Variants in PRKD3 observed in about 807,000 individuals in gnomAD.
The protein encoded by PRKD3 is serine/threonine-protein kinase D3.
PRKD3 carries 47 observed loss-of-function variants against 99.2 expected under a neutral mutation model. That is an observed-to-expected ratio of 0.47 (90% CI 0.38 to 0.60). The LOEUF is 0.60. Among genes scored for constraint, PRKD3 ranks in the 20% least tolerant of loss-of-function variants. The pLI, the probability that PRKD3 is intolerant of heterozygous loss-of-function variation, is 0.00. For synonymous variants in PRKD3, 392 were observed against 355.4 expected (o/e 1.10, Z -1.16); for missense variants, 1,019 against 1,088.4 (o/e 0.94, Z 0.90).
intron 5 of PRKD3, among the ~76,000 whole-genome samples, chr2:37,287,250 A>G (rs940371694): frequency 3.4e-4 from 46 of 134,306 alleles, no homozygotes; most frequent in East Asian, 6.1e-4. Context: ...AAAAAAAAAA[A>G]AAAAAAAAAA....
At chr2:37,261,914 GTTTT>G (rs1317149630) in intron 14 of PRKD3, among the ~76,000 whole-genome samples, 3 of 151,624 alleles carry the variant, frequency 2.0e-5, no homozygotes, top group Admixed American at 6.6e-5. Flanking sequence ...CAACCATTCC[GTTTT>G]TTTGAGTATT....
intron 9 of PRKD3, 96 bp from the exon 10 acceptor site, chr2:37,275,940 T>C (rs1253263272): frequency 4.3e-6 from 6 of 1,407,384 alleles, no homozygotes; most frequent in Non-Finnish European, 4.7e-6. Flanking sequence ...CATAAATTTG[T>C]ATTTTTGAAT....
intron 2 of PRKD3, among the ~76,000 whole-genome samples, chr2:37,301,386 T>C (rs1222767127): frequency 1.3e-5 from 2 of 151,892 alleles, no homozygotes; most frequent in Non-Finnish European, 2.9e-5. Context: ...CTTTCAGTTG[T>C]ATAATTTGAA....
chr2:37,260,072 T>A, intron 15 of PRKD3, 151 bp downstream of exon 15: 1 of 689,552 alleles, frequency 1.5e-6, no homozygotes, highest in Non-Finnish European at 2.4e-6. Flanking sequence ...GGCTGAGGCA[T>A]GAGAATCACT....
rs1402728628 is a variant in PRKD3 at position 37,257,666 on chromosome 2, CAAAAGAA to C, written c.2146-744_2146-738del. Among the ~76,000 whole-genome samples, 8 of 62,424 alleles carry C rather than the reference CAAAAGAA, an allele frequency of 1.3e-4. No individual in the cohort carries two copies. The East Asian group carries it at 3.2e-3, about 25-fold the overall frequency. 41.0% of individuals were successfully genotyped at this position (62,424 alleles called of 152,430 possible). On this transcript the variant is annotated intron_variant, in intron 16 of 18. Transcript: ENST00000234179. ...GGGCGACAGAGTGAAGACTCTGTCTCAAAAGAAAAAAAAAAAAAAAAAAAAAAAGTTA... is the reference window on the plus strand; with the variant it reads ...GGGCGACAGAGTGAAGACTCTGTCTCAAAAAAAAAAAAAAAAAAAAAGTTA...
At position 37,251,488 on chromosome 2, in the gene PRKD3, G is replaced by T. The variant is rs1667488799; in HGVS notation, c.*1689C>A. 1 of 152,632 alleles carries T rather than the reference G, an allele frequency of 6.6e-6. No individual in the cohort carries two copies. The highest frequency in any genetic ancestry group is 3.4e-3 in the Middle Eastern group (1 of 294). The allele number at this position is 152,632 out of a possible 1,614,324, so 9.5% of individuals were successfully genotyped here. A position where few individuals can be genotyped will look rare whatever the true frequency, so the allele number is the denominator to read the frequency against. On this transcript the variant is annotated 3_prime_UTR_variant, in exon 19 of 19. Transcript: ENST00000234179. ...TGTGAGGGTAAACTAAAACATAAAA[G>T]AACTTAGAACACAGGAGTACTGCAT...
intron 6 of PRKD3, among the ~76,000 whole-genome samples, chr2:37,283,731 A>C (rs1669962803): frequency 6.6e-6 from 1 of 152,108 alleles, no homozygotes; most frequent in African/African-American, 2.4e-5. Context: ...TCACACCTGT[A>C]ATTTCAGCAC....
chr2:37,284,449 T>A (rs1231380645), intron 6 of PRKD3, among the ~76,000 whole-genome samples: 1 of 152,204 alleles, frequency 6.6e-6, no homozygotes. Context: ...ATACTGTACT[T>A]TTCTGCATAT....
At chr2:37,321,146 A>C (rs182246351) in intron 1 of PRKD3, among the ~76,000 whole-genome samples, 1 of 152,364 alleles carries the variant, frequency 6.6e-6, no homozygotes, top group East Asian at 1.9e-4. Flanking sequence ...ATTAATTTAC[A>C]AACTATATAC....
chr2:37,289,708 G>C (rs1334174636), intron 4 of PRKD3, among the ~76,000 whole-genome samples, 195 bp from the exon 5 acceptor site: 1 of 152,182 alleles, frequency 6.6e-6, no homozygotes, highest in Non-Finnish European at 1.5e-5. Context: ...AAAAGGATAA[G>C]TCAGCTAGGG....
intron 17 of PRKD3, among the ~76,000 whole-genome samples, chr2:37,256,019 A>T (rs957144136): frequency 9.2e-5 from 14 of 152,214 alleles, no homozygotes; most frequent in African/African-American, 1.2e-4. Context: ...CAATAAAAAT[A>T]AAAAAAGATA....
intron 1 of PRKD3, among the ~76,000 whole-genome samples, chr2:37,322,822 T>C (rs138219377): frequency 6.6e-6 from 1 of 152,282 alleles, no homozygotes; most frequent in African/African-American, 2.4e-5. Context: ...CAAAGTACAA[T>C]CATCACAGAA....
intron 1 of PRKD3, among the ~76,000 whole-genome samples, chr2:37,319,017 GC>G (rs1484535355): frequency 4.6e-5 from 7 of 152,112 alleles, no homozygotes; most frequent in Admixed American, 3.9e-4. Flanking sequence ...AGGCTTCTTA[GC>G]TGGAAAAAAA....
chr2:37,293,342 T>A, intron 2 of PRKD3, 71 bp from the exon 3 acceptor site: 1 of 1,374,456 alleles, frequency 7.3e-7, no homozygotes, highest in Non-Finnish European at 9.7e-7. Context: ...TTCAATTTTA[T>A]CAAAGAATTT....
chr2:37,292,988 A>T, intron 3 of PRKD3, 145 bp downstream of exon 3: 1 of 948,800 alleles, frequency 1.1e-6, no homozygotes, highest in Non-Finnish European at 1.5e-6. Flanking sequence ...TGAAAGGAAA[A>T]ATCATATGGT....
rs767819072 is a variant in PRKD3 at position 37,250,543 on chromosome 2, C to A, written c.*2634G>T. On this transcript the variant is annotated 3_prime_UTR_variant, in exon 19 of 19. Transcript: ENST00000234179. The stretch of plus-strand genomic sequence containing the variant: ...AAAATGAGCTTTTTTTTATTTTTGG[C>A]AGGTTAAAAAAAAATCAGTGTTTTT... The A allele has an allele frequency of 6.6e-6, 1 of 151,434 alleles. No individual in the cohort carries two copies. Among genetic ancestry groups the A allele is most frequent in the Non-Finnish European group, 1.5e-5 (1 of 67,848 alleles). 9.4% of individuals were successfully genotyped at this position (151,434 alleles called of 1,614,324 possible).
At chr2:37,289,311 A>AGC in intron 5 of PRKD3, 45 bp downstream of exon 5, 1 of 1,591,302 alleles carries the variant, frequency 6.3e-7, no homozygotes, top group Non-Finnish European at 8.6e-7. Context: ...GTAGAAACAC[A>AGC]GAGAATAACT....
intron 1 of PRKD3, among the ~76,000 whole-genome samples, chr2:37,323,158 T>C (rs1671956862): frequency 6.6e-6 from 1 of 151,306 alleles, no homozygotes; most frequent in Non-Finnish European, 1.5e-5. Flanking sequence ...ATTTCTATTT[T>C]AAAGTGGCTA....
intron 1 of PRKD3, among the ~76,000 whole-genome samples, chr2:37,321,688 T>C (rs1393717116): frequency 6.6e-6 from 1 of 152,122 alleles, no homozygotes. Flanking sequence ...AGACATAACA[T>C]TCATACAAAC....
Sources: gnomAD v4.1 joint callset for allele counts (sites outside exome capture counted in the v4.1 genomes callset) on GRCh38, gnomAD v4.1.1 for gene constraint, MANE v1.5 for transcripts, NCBI Gene and HGNC (gene_info 2026-07-23, HGNC 2026-07-21) for gene names.